NIPBL: variants seen among roughly 807,000 people sequenced by gnomAD.
NIPBL encodes NIPBL cohesin loading factor.
NIPBL carries 19 observed loss-of-function variants against 321.8 expected under a neutral mutation model. That is an observed-to-expected ratio of 0.06 (90% CI 0.04 to 0.09). The LOEUF is 0.09. Ranked by LOEUF, NIPBL falls within the 10% of genes least tolerant of loss-of-function variation. The pLI, the probability that NIPBL is intolerant of heterozygous loss-of-function variation, is 1.00. For missense variants in NIPBL, 2,210 were observed against 3,327.0 expected, an observed-to-expected ratio of 0.66 and a Z score of 8.26; for synonymous variants, 1,106 against 1,114.1, an observed-to-expected ratio of 0.99 and a Z score of 0.14.
intron 18 of NIPBL, 123 bp from the exon 19 acceptor site, chr5:37,007,885 G>A (rs1230756217): frequency 7.0e-6 from 5 of 710,238 alleles, no homozygotes; most frequent in South Asian, 3.2e-5. Context: ...ATTAGGTGGG[G>A]AAAAGAAAAA....
At position 36,946,586 on chromosome 5, in the gene NIPBL, A is replaced by ATATGTGTG. The variant is rs1470812274; in HGVS notation, c.-79-7027_-79-7026insGTGTATGT. ...TATATGCATGTGTCTGTGTGTGTGT[A>ATATGTGTG]TATGTATATATATACACACACATAT... On this transcript the variant is annotated intron_variant, in intron 1 of 46. Transcript: ENST00000282516. Among the ~76,000 whole-genome samples, 15 of 81,724 alleles carry ATATGTGTG rather than the reference A, an allele frequency of 1.8e-4. No homozygotes were observed. The East Asian group carries it at 4.7e-3, about 26-fold the overall frequency. The allele number at this position is 81,724 out of a possible 152,430, so 53.6% of individuals were successfully genotyped here.
At chr5:37,038,276 C>T (rs187651049) in intron 33 of NIPBL, among the ~76,000 whole-genome samples, 2 of 152,276 alleles carry the variant, frequency 1.3e-5, no homozygotes, top group African/African-American at 4.8e-5. Flanking sequence ...AGGTGTGAGC[C>T]ATCACACACA....
chr5:37,017,318 C>T (rs1275097340), intron 24 of NIPBL, among the ~76,000 whole-genome samples, 156 bp downstream of exon 24: 4 of 152,018 alleles, frequency 2.6e-5, no homozygotes, highest in African/African-American at 7.2e-5. Flanking sequence ...AATTTTAAGA[C>T]CTGAGAATGA....
Position 37,064,832 on chromosome 5 carries a change from T to C in NIPBL, c.8355T>C (p.Thr2785=), listed in dbSNP as rs755832194. ...CTCTAACGAGTGCTAATAAGCTGACTAATAAAGTTGTTCAGACTTTACGAT... is the reference window on the plus strand; with the variant it reads ...CTCTAACGAGTGCTAATAAGCTGACCAATAAAGTTGTTCAGACTTTACGAT... ...KIALTSANKL[T]NKVVQTLRSL... The change falls in exon 47 of 47, where the codon ACT becomes ACC. Residue 2785 remains threonine (T), a synonymous_variant. Transcript: ENST00000282516. The C allele has an allele frequency of 6.2e-7, 1 of 1,614,192 alleles. No homozygotes were observed.
chr5:36,935,735 A>G (rs1259048888), intron 1 of NIPBL, among the ~76,000 whole-genome samples: 2 of 152,144 alleles, frequency 1.3e-5, no homozygotes, highest in African/African-American at 2.4e-5. Flanking sequence ...TCAAGGGGCC[A>G]GAAGTCCAAA....
At chr5:36,962,030 AAG>A (rs1741683607) in intron 5 of NIPBL, 91 bp from the exon 6 acceptor site, 7 of 1,370,164 alleles carry the variant, frequency 5.1e-6, no homozygotes, top group Admixed American at 3.4e-5. Context: ...TATATAAACT[AAG>A]AGATCAGAGG....
chr5:36,894,747 T>G (rs1302230387), intron 1 of NIPBL, among the ~76,000 whole-genome samples: 1 of 152,246 alleles, frequency 6.6e-6, no homozygotes, highest in East Asian at 1.9e-4. Context: ...ACTTGATCTT[T>G]TCTAGCAGTA....
In NIPBL at chr5:36,975,984, A is replaced by G. The variant is rs767162047; in HGVS notation, c.1077A>G (p.Thr359=). Residue 359 remains threonine (T), a synonymous_variant, in exon 9 of 47, where the codon ACA becomes ACG. Transcript: ENST00000282516. ...SSPSKDSTKL[T]LRLSRVRSSD... ...CATCCAAGGACTCTACTAAACTTAC[A>G]TTAAGACTTTCTCGTGTAAGGTCTT... The G allele has an allele frequency of 1.7e-5, 27 of 1,614,006 alleles. No individual in the cohort carries two copies. Among genetic ancestry groups the G allele is most frequent in the South Asian group, 2.2e-5 (2 of 91,088 alleles).
intron 22 of NIPBL, among the ~76,000 whole-genome samples, chr5:37,015,271 G>T (rs539016169): frequency 6.6e-6 from 1 of 152,066 alleles, no homozygotes; most frequent in African/African-American, 2.4e-5. Flanking sequence ...TTACAGGCAT[G>T]CACCACCATG....
At chr5:37,001,168 A>C (rs1221311752) in intron 14 of NIPBL, 90 bp downstream of exon 14, 3 of 854,172 alleles carry the variant, frequency 3.5e-6, no homozygotes, top group Non-Finnish European at 4.0e-6. Context: ...GATGTGTCCT[A>C]CCTTGAAATC....
intron 1 of NIPBL, among the ~76,000 whole-genome samples, chr5:36,916,080 C>T (rs1271138243): frequency 6.6e-6 from 1 of 152,140 alleles, no homozygotes; most frequent in African/African-American, 2.4e-5. Context: ...TGGTAGTTGT[C>T]CTTTCTTCAA....
chr5:36,909,705 G>T (rs767859646), intron 1 of NIPBL, among the ~76,000 whole-genome samples: 9 of 152,040 alleles, frequency 5.9e-5, no homozygotes, highest in Non-Finnish European at 1.3e-4. Flanking sequence ...TATAGTACAT[G>T]CTATACGTTT....
chr5:37,039,523 G>A lies in NIPBL; in HGVS notation c.6108+785G>A, dbSNP rs182791485. ...GTGGTTTACATGTATAATGTCATTT[G>A]CTTTATGAAGTAGGTACTATTATCT... On this transcript the variant is annotated intron_variant, in intron 34 of 46. Transcript: ENST00000282516. Among the ~76,000 whole-genome samples, 1,043 of 152,078 alleles carry A rather than the reference G, an allele frequency of 6.9e-3. 9 individuals are homozygous for A. Among genetic ancestry groups the A allele is most frequent in the African/African-American group, 0.024 (984 of 41,508 alleles).
chr5:37,044,426 A>G lies in NIPBL; in HGVS notation c.6188A>G (p.Glu2063Gly). The G allele has an allele frequency of 1.2e-6, 2 of 1,614,042 alleles. No homozygotes were observed. Among genetic ancestry groups the G allele is most frequent in the Non-Finnish European group, 8.5e-7 (1 of 1,179,922 alleles). ...GTACCACTGATGGAGCATCCAAGTG[A>G]AACTTTTCTTGCCACTATTGAGGAA... ...LVVPLMEHPS[E>G]TFLATIEEDL... is the part of the protein sequence containing the mutation. The change falls in exon 35 of 47, where the codon GAA becomes GGA. Residue 2063 changes from glutamate (E) to glycine (G), a missense_variant. By Grantham distance (98) the Glu-to-Gly change is moderately conservative. Around this residue, in one of 14 missense-constraint regions of NIPBL, gnomAD observed 73 missense variants for 222.3 expected, o/e 0.33. Coordinates refer to ENST00000282516, the MANE Select transcript of NIPBL (RefSeq NM_133433.4).
Position 36,984,965 on chromosome 5 carries a change from C to T in NIPBL, c.1785C>T (p.Asn595=), listed in dbSNP as rs1744575980. 6.2e-7 allele frequency: 1 copy of T among 1,613,692 alleles called. No individual in the cohort carries two copies. Among genetic ancestry groups the T allele is most frequent in the Non-Finnish European group, 8.5e-7 (1 of 1,179,936 alleles). Residue 595 remains asparagine, a synonymous_variant, in exon 10 of 47, where the codon AAC becomes AAT. Transcript: ENST00000282516. The part of the protein sequence containing the change: ...IVGSLKSTPE[N]HPETPKKKSD... ...GAAGTCTTAAATCTACACCAGAAAA[C>T]CATCCTGAGACACCTAAAAAAAAGT... is the stretch of plus-strand genomic sequence containing the variant.
chr5:37,026,428 A>G, intron 31 of NIPBL, 101 bp downstream of exon 31: 1 of 746,484 alleles, frequency 1.3e-6, no homozygotes, highest in Non-Finnish European at 2.4e-6. Flanking sequence ...TATTTCATTA[A>G]TCTTGACATT....
At chr5:36,933,947 T>G (rs1749972692) in intron 1 of NIPBL, among the ~76,000 whole-genome samples, 1 of 152,096 alleles carries the variant, frequency 6.6e-6, no homozygotes, top group Admixed American at 6.6e-5. Flanking sequence ...TATAATTAAC[T>G]GATAGGTCTC....
chr5:36,914,924 A>G (rs1295535802), intron 1 of NIPBL, among the ~76,000 whole-genome samples: 2 of 152,160 alleles, frequency 1.3e-5, no homozygotes, highest in African/African-American at 4.8e-5. Flanking sequence ...GCTACATTTA[A>G]ATACTATTTT....
rs1004793547 is a variant in NIPBL at position 37,064,691 on chromosome 5, G to A, written c.8214G>A (p.Gln2738=). 1 of 1,614,236 alleles carries A rather than the reference G, an allele frequency of 6.2e-7. No homozygotes were observed. The highest frequency in any genetic ancestry group is 8.5e-7 in the Non-Finnish European group (1 of 1,180,040). The change falls in exon 47 of 47, where the codon CAG becomes CAA. Residue 2738 remains glutamine (Q), a synonymous_variant. Transcript: ENST00000282516. ...VQKTSSGFSV[Q]WMAGSYSGSW... is the part of the protein sequence containing the mutation. ...AAACCAGCAGTGGCTTCAGTGTTCA[G>A]TGGATGGCAGGCTCCTACAGTGGCT...
Sources: allele counts gnomAD v4.1 joint callset (sites outside exome capture counted in the v4.1 genomes callset), GRCh38; gene constraint gnomAD v4.1.1; regional missense constraint gnomAD v4.1.1; transcripts MANE v1.5; gene names NCBI Gene and HGNC (gene_info 2026-07-23, HGNC 2026-07-21).